Variants in XPO4 observed in about 807,000 individuals in gnomAD.
XPO4 encodes the protein exportin-4.
In XPO4, 39 loss-of-function variants were observed where a neutral mutation model predicts 143.0. The observed-to-expected ratio is 0.27, with a 90% confidence interval of 0.21 to 0.36. The LOEUF (loss-of-function observed/expected upper bound fraction) is 0.36. Among genes scored for constraint, XPO4 ranks in the 10% least tolerant of loss-of-function variants. The pLI is 1.00. For missense variants in XPO4, 907 were observed against 1,348.0 expected, an observed-to-expected ratio of 0.67 and a Z score of 5.12; for synonymous variants, 439 against 474.0, an observed-to-expected ratio of 0.93 and a Z score of 0.96.
chr13:20,830,872 GTTA>G (rs2138008357), intron 6 of XPO4, among the ~76,000 whole-genome samples: 1 of 152,120 alleles, frequency 6.6e-6, no homozygotes, highest in East Asian at 1.9e-4. Context: ...CTAAAATATT[GTTA>G]TTATTCACGT....
At chr13:20,851,329 A>C (rs778424952) in intron 4 of XPO4, 269 of 985,232 alleles carry the variant, frequency 2.7e-4, no homozygotes, top group Non-Finnish European at 3.1e-4. Context: ...ACCAAAATAA[A>C]TTTCATCCTG....
At chr13:20,843,679 C>T (rs780622296) in intron 5 of XPO4, 91 bp downstream of exon 5, 10 of 924,546 alleles carry the variant, frequency 1.1e-5, no homozygotes, top group Non-Finnish European at 1.7e-5. Flanking sequence ...CATTCAACTA[C>T]ATAAAATAAA....
intron 3 of XPO4, chr13:20,856,346 A>C (rs1468519914): frequency 2.0e-6 from 2 of 985,292 alleles, no homozygotes; most frequent in African/African-American, 1.7e-5. Flanking sequence ...CAAAATGTTC[A>C]TATCTAGGTT....
intron 8 of XPO4, 110 bp from the exon 9 acceptor site, chr13:20,821,988 GTC>G: frequency 1.5e-6 from 2 of 1,364,850 alleles, no homozygotes; most frequent in South Asian, 3.2e-5. Flanking sequence ...TAAAAGGTAT[GTC>G]TCTGTTTATT....
At chr13:20,871,210 T>TCACTCTGTTGCC (rs1235670785) in intron 1 of XPO4, among the ~76,000 whole-genome samples, 1 of 152,196 alleles carries the variant, frequency 6.6e-6, no homozygotes, top group Non-Finnish European at 1.5e-5. Flanking sequence ...AGACGGAATC[T>TCACTCTGTTGCC]CACTCTGTTG....
chr13:20,790,393 T>A, intron 19 of XPO4, 69 bp downstream of exon 19: 1 of 1,196,814 alleles, frequency 8.4e-7, no homozygotes, highest in South Asian at 1.2e-5. Flanking sequence ...ACAGATATAT[T>A]CTTGTCTAAA....
At chr13:20,804,496 T>C (rs1323941330) in intron 13 of XPO4, among the ~76,000 whole-genome samples, 1 of 152,132 alleles carries the variant, frequency 6.6e-6, no homozygotes, top group Non-Finnish European at 1.5e-5. Flanking sequence ...TGTCACTGCC[T>C]AAAGTACTCT....
At chr13:20,821,932 A>G (rs1225880492) in intron 8 of XPO4, 54 bp from the exon 9 acceptor site, 16 of 1,499,042 alleles carry the variant, frequency 1.1e-5, no homozygotes, top group Non-Finnish European at 1.4e-5. Flanking sequence ...AATTATTAAT[A>G]TAATAACTCA....
At chr13:20,786,299 G>C (rs200151612) in intron 22 of XPO4, among the ~76,000 whole-genome samples, 3 of 64,424 alleles carry the variant, frequency 4.7e-5, no homozygotes, top group Non-Finnish European at 1.0e-4. Context: ...ATATATATAC[G>C]TGTGTGTGTA....
At chr13:20,855,140 T>A (rs1243852421) in intron 4 of XPO4, among the ~76,000 whole-genome samples, 1 of 152,146 alleles carries the variant, frequency 6.6e-6, no homozygotes, top group African/African-American at 2.4e-5. Flanking sequence ...GTACACTGCA[T>A]TTATATTATG....
chr13:20,828,035 C>T (rs541858362), intron 6 of XPO4, among the ~76,000 whole-genome samples: 3 of 152,202 alleles, frequency 2.0e-5, no homozygotes, highest in Admixed American at 6.5e-5. Flanking sequence ...GTCAGGAGTT[C>T]GAGACCAGCC....
At chr13:20,815,129 C>A (rs1045100097) in intron 9 of XPO4, among the ~76,000 whole-genome samples, 1 of 152,114 alleles carries the variant, frequency 6.6e-6, no homozygotes, top group African/African-American at 2.4e-5. Flanking sequence ...ACTATGGAGA[C>A]AGGCGAAAGA....
At chr13:20,867,747 C>T (rs1322332527) in intron 2 of XPO4, among the ~76,000 whole-genome samples, 1 of 151,130 alleles carries the variant, frequency 6.6e-6, no homozygotes, top group East Asian at 1.9e-4. Context: ...ACTAAAAGCA[C>T]AAGAATAAAA....
chr13:20,863,187 T>C (rs2060216735), intron 2 of XPO4: 6 of 917,728 alleles, frequency 6.5e-6, no homozygotes, highest in Middle Eastern at 5.5e-4. Flanking sequence ...GAAAATTTCC[T>C]AAGATTCTCA....
intron 1 of XPO4, among the ~76,000 whole-genome samples, chr13:20,888,867 A>G (rs1365244852): frequency 1.3e-5 from 2 of 151,882 alleles, no homozygotes; most frequent in African/African-American, 4.8e-5. Context: ...CAATGGTGCA[A>G]TCTCGGCTCA....
At chr13:20,814,148 A>G (rs1186261794) in intron 9 of XPO4, among the ~76,000 whole-genome samples, 1 of 150,892 alleles carries the variant, frequency 6.6e-6, no homozygotes, top group Non-Finnish European at 1.5e-5. Context: ...GTAACATATC[A>G]CAAGAGGAAT....
intron 1 of XPO4, among the ~76,000 whole-genome samples, chr13:20,885,080 G>A (rs936428721): frequency 8.5e-5 from 13 of 152,068 alleles, no homozygotes; most frequent in African/African-American, 3.1e-4. Context: ...AGCCTCCCAG[G>A]TAGCTGGGAT....
At chr13:20,848,879 A>T (rs1468514804) in intron 4 of XPO4, 1 of 985,264 alleles carries the variant, frequency 1.0e-6, no homozygotes, top group African/African-American at 1.7e-5. Context: ...TATAAAAAAA[A>T]GTCTAATTGT....
At chr13:20,845,051 T>G (rs1468125413) in intron 4 of XPO4, among the ~76,000 whole-genome samples, 1 of 152,148 alleles carries the variant, frequency 6.6e-6, no homozygotes, top group African/African-American at 2.4e-5. Context: ...CAGGCACCTG[T>G]AGTCTCAGCT....
Sources: gnomAD v4.1 joint callset for allele counts (sites outside exome capture counted in the v4.1 genomes callset) on GRCh38, gnomAD v4.1.1 for gene constraint, MANE v1.5 for transcripts, NCBI Gene and HGNC (gene_info 2026-07-23, HGNC 2026-07-21) for gene names.